DCDC1: variants seen among roughly 807,000 people sequenced by gnomAD.
DCDC1 encodes the protein doublecortin domain containing 1, also known as doublecortin domain-containing protein 1.
In DCDC1, 200 loss-of-function variants were observed where a neutral mutation model predicts 178.3. That is an observed-to-expected ratio of 1.12 (90% CI 1.00 to 1.26). The LOEUF is 1.26. DCDC1 is among the 50% of genes most tolerant of loss of function. The probability of loss-of-function intolerance (pLI) is 0.00; values close to 1 mark genes in which losing one functional copy is unlikely to be tolerated. For missense variants in DCDC1, 1,983 were observed against 1,749.2 expected, an observed-to-expected ratio of 1.13 and a Z score of -2.38; for synonymous variants, 690 against 604.8, an observed-to-expected ratio of 1.14 and a Z score of -2.07.
Position 30,911,263 on chromosome 11 carries a change from G to A in DCDC1, c.3747+64C>T. ...TTTTTTTTTCCTCCACTACAAGGAA[G>A]CACAAAGCTTTACTTAAATTTAATT... On this transcript the variant is annotated intron_variant, in intron 28 of 38. Transcript: ENST00000684477. The A allele has an allele frequency of 1.5e-6, 2 of 1,353,382 alleles. 1 individual carries two copies. Among genetic ancestry groups the A allele is most frequent in the Non-Finnish European group, 2.1e-6 (2 of 970,364 alleles). 83.8% of individuals were successfully genotyped at this position (1,353,382 alleles called of 1,614,324 possible). A position where few individuals can be genotyped will look rare whatever the true frequency, so the allele number is the denominator to read the frequency against.
At chr11:31,342,630 A>G (rs371889629) in intron 1 of DCDC1, among the ~76,000 whole-genome samples, 33 of 152,280 alleles carry the variant, frequency 2.2e-4, no homozygotes, top group Middle Eastern at 3.4e-3. Context: ...GCTCTCTTCT[A>G]AAGCATCTTT....
At chr11:31,143,968 G>A (rs1269383679) in intron 9 of DCDC1, among the ~76,000 whole-genome samples, 2 of 152,082 alleles carry the variant, frequency 1.3e-5, no homozygotes, top group Non-Finnish European at 2.9e-5. Context: ...CAGTTTAAGA[G>A]AGAAGGTATA....
intron 20 of DCDC1, among the ~76,000 whole-genome samples, chr11:31,009,045 T>C (rs757523113): frequency 1.3e-5 from 2 of 152,138 alleles, no homozygotes; most frequent in South Asian, 4.1e-4. Context: ...AGACCACTAC[T>C]GCAATAGTAG....
chr11:31,314,987 A>G (rs1444767683), intron 3 of DCDC1, among the ~76,000 whole-genome samples: 2 of 152,198 alleles, frequency 1.3e-5, no homozygotes, highest in African/African-American at 2.4e-5. Context: ...CAAAGCAACA[A>G]CTAAGTAATC....
At chr11:31,312,601 A>C (rs932950244) in intron 3 of DCDC1, 1 of 152,164 alleles carries the variant, frequency 6.6e-6, no homozygotes, top group African/African-American at 2.4e-5. Context: ...AAAGGCAAAG[A>C]AGGTTGGAAT....
At chr11:31,165,549 G>A (rs748461060) in intron 9 of DCDC1, among the ~76,000 whole-genome samples, 8 of 152,152 alleles carry the variant, frequency 5.3e-5, no homozygotes, top group Non-Finnish European at 7.4e-5. Context: ...AGCCTCAAGC[G>A]ACCCTCCCAC....
At position 30,952,369 on chromosome 11, in the gene DCDC1, G is replaced by A. The variant is rs560799140; in HGVS notation, c.2715+76C>T. 5.9e-5 allele frequency: 79 copies of A among 1,335,004 alleles called. 1 individual carries two copies. The East Asian group carries it at 1.9e-3, about 32-fold the overall frequency. The allele number at this position is 1,335,004 out of a possible 1,614,324, so 82.7% of individuals were successfully genotyped here. A position where few individuals can be genotyped will look rare whatever the true frequency, so the allele number is the denominator to read the frequency against. ...GCTGCAATTCAAAAGCTATATGGAA[G>A]TTGTCAGGAATTTGACCACACAACT... On this transcript the variant is annotated intron_variant, in intron 21 of 38. Coordinates refer to ENST00000684477, the MANE Select transcript of DCDC1 (RefSeq NM_001387274.1).
intron 9 of DCDC1, among the ~76,000 whole-genome samples, chr11:31,141,302 A>G (rs1328247963): frequency 2.6e-5 from 4 of 152,228 alleles, no homozygotes; most frequent in African/African-American, 9.6e-5. Context: ...TAATTTAACC[A>G]GCTAGTGTGT....
At chr11:30,929,553 G>A (rs1020573309) in intron 22 of DCDC1, among the ~76,000 whole-genome samples, 3 of 152,148 alleles carry the variant, frequency 2.0e-5, no homozygotes, top group Admixed American at 6.6e-5. Context: ...ATAGGAAATA[G>A]AGCTAGAGAA....
chr11:30,888,078 G>GAAAGAAAGAAAGAAAGAAAAAGAAAGAA, intron 36 of DCDC1, among the ~76,000 whole-genome samples: 1 of 97,806 alleles, frequency 1.0e-5, no homozygotes, highest in South Asian at 3.9e-4. Flanking sequence ...GAGAGAGAGA[G>GAAAGAAAGAAAGAAAGAAAAAGAAAGAA]AGAGAGAAAG....
At position 31,109,932 on chromosome 11, in the gene DCDC1, C is replaced by T. The variant is rs572540361; in HGVS notation, c.1587+328G>A. The stretch of plus-strand genomic sequence containing the variant: ...CTAGGGTTTAGAAATACCCTAGATC[C>T]AGGGCATACCCTCCACTGAATATAT... On this transcript the variant is annotated intron_variant, in intron 12 of 38. Coordinates refer to ENST00000684477, the MANE Select transcript of DCDC1 (RefSeq NM_001387274.1). Among the ~76,000 whole-genome samples the T allele has an allele frequency of 1.9e-4, 29 of 152,146 alleles. 1 individual carries two copies. In the South Asian group the frequency reaches 5.8e-3, roughly 31 times the overall value.
intron 1 of DCDC1, among the ~76,000 whole-genome samples, chr11:31,341,426 G>GATAGATAGATACATAGATAC (rs1555184037): frequency 6.6e-6 from 1 of 151,222 alleles, no homozygotes; most frequent in Non-Finnish European, 1.5e-5. Context: ...TAGATAGATA[G>GATAGATAGATACATAGATAC]ATAGATAGAT....
Position 31,305,137 on chromosome 11 carries a change from A to T in DCDC1, c.754+478T>A, listed in dbSNP as rs557112668. Among the ~76,000 whole-genome samples the T allele has an allele frequency of 3.9e-5, 6 of 152,254 alleles. No individual in the cohort carries two copies. The South Asian group carries it at 1.2e-3, about 32-fold the overall frequency. ...TTCTTATGAAATACGTTATTAGGAGAATCATATGTATATAAGAAATGTATG... is the reference window on the plus strand; with the variant it reads ...TTCTTATGAAATACGTTATTAGGAGTATCATATGTATATAAGAAATGTATG... On this transcript the variant is annotated intron_variant, in intron 6 of 38. Coordinates refer to ENST00000684477, the MANE Select transcript of DCDC1 (RefSeq NM_001387274.1).
At chr11:31,265,903 A>G (rs1464193952) in intron 7 of DCDC1, among the ~76,000 whole-genome samples, 2 of 148,574 alleles carry the variant, frequency 1.3e-5, no homozygotes, top group African/African-American at 4.9e-5. Context: ...ATTATTTATT[A>G]TTATCTATTA....
intron 16 of DCDC1, among the ~76,000 whole-genome samples, chr11:31,093,663 T>C (rs1957951884): frequency 6.6e-6 from 1 of 152,208 alleles, no homozygotes; most frequent in South Asian, 2.1e-4. Context: ...ATATGCAAAG[T>C]TGGTATATGT....
intron 9 of DCDC1, among the ~76,000 whole-genome samples, chr11:31,210,610 C>T (rs568305443): frequency 6.6e-6 from 1 of 151,240 alleles, no homozygotes; most frequent in East Asian, 2.0e-4. Flanking sequence ...ACTCAGGAGG[C>T]TGAGGCAGGA....
At chr11:31,247,476 G>C (rs1327187047) in intron 8 of DCDC1, among the ~76,000 whole-genome samples, 1 of 151,738 alleles carries the variant, frequency 6.6e-6, no homozygotes, top group Non-Finnish European at 1.5e-5. Flanking sequence ...CAGATTTGGG[G>C]GTTAAATTGA....
chr11:31,336,168 A>AAT (rs1177241907), intron 1 of DCDC1, among the ~76,000 whole-genome samples: 17 of 152,328 alleles, frequency 1.1e-4, no homozygotes, highest in African/African-American at 3.8e-4. Flanking sequence ...GGAAAAGGTA[A>AAT]ATTGGGAGTA....
intron 27 of DCDC1, among the ~76,000 whole-genome samples, chr11:30,915,057 G>A (rs76635791): frequency 0.018 from 2,693 of 152,306 alleles, 83 homozygotes; most frequent in African/African-American, 0.062. Context: ...TACTGCGTGA[G>A]TGGAAACCAC....
Sources: gnomAD v4.1 joint callset for allele counts (sites outside exome capture counted in the v4.1 genomes callset) on GRCh38, gnomAD v4.1.1 for gene constraint, MANE v1.5 for transcripts, NCBI Gene and HGNC (gene_info 2026-07-23, HGNC 2026-07-21) for gene names.